BRCA1: variants seen among roughly 807,000 people sequenced by gnomAD.
BRCA1 encodes the protein BRCA1 DNA repair associated.
A neutral mutation model predicts 173.7 loss-of-function variants in BRCA1; 140 were observed. That is an observed-to-expected ratio of 0.81 (90% CI 0.70 to 0.93). The LOEUF (loss-of-function observed/expected upper bound fraction) is 0.93, where lower values mean the gene tolerates loss of function less well. Among genes scored for constraint, BRCA1 ranks in the 40% least tolerant of loss-of-function variants. BRCA1 has a pLI of 0.00. For missense variants in BRCA1, 1,983 were observed against 2,172.5 expected (o/e 0.91, Z 1.73); for synonymous variants, 662 against 756.0 (o/e 0.88, Z 2.04).
At chr17:43,057,472 C>T (rs1274482880) in intron 18 of BRCA1, among the ~76,000 whole-genome samples, 1 of 151,262 alleles carries the variant, frequency 6.6e-6, no homozygotes, top group East Asian at 2.0e-4. Flanking sequence ...GATGGTGCCA[C>T]TGCACTCCAG....
chr17:43,156,910 G>A (rs2056200928), intron 1 of BRCA1, among the ~76,000 whole-genome samples: 1 of 152,180 alleles, frequency 6.6e-6, no homozygotes, highest in African/African-American at 2.4e-5. Flanking sequence ...TCCCCTTCTA[G>A]GTCCTGATGA....
At chr17:43,127,911 C>T (rs1161922358), upstream of BRCA1, among the ~76,000 whole-genome samples, 1 of 151,242 alleles carries the variant, frequency 6.6e-6, no homozygotes, top group African/African-American at 2.4e-5. Flanking sequence ...GTAATCCCCT[C>T]TACTGGGGAG....
chr17:43,108,810 C>T (rs771810432), intron 3 of BRCA1, among the ~76,000 whole-genome samples: 6 of 149,792 alleles, frequency 4.0e-5, no homozygotes, highest in African/African-American at 9.8e-5. Flanking sequence ...CTGACCAACA[C>T]GGAGAAACCC....
At chr17:43,097,976 T>C (rs2054207279) in intron 7 of BRCA1, among the ~76,000 whole-genome samples, 1 of 151,866 alleles carries the variant, frequency 6.6e-6, no homozygotes, top group Admixed American at 6.6e-5. Context: ...TATAAATATA[T>C]TCTAAAAGAA....
intron 1 of BRCA1, chr17:43,168,179 C>T (rs796512497): frequency 8.0e-5 from 32 of 400,436 alleles, no homozygotes; most frequent in African/African-American, 6.5e-4. Context: ...CCAGATTGGA[C>T]ACTGTAAGAT....
In BRCA1 at chr17:43,112,947, G is replaced by T. The variant is rs909717469; in HGVS notation, c.134+2779C>A. ...GCCTCCCAAGTAACTGGGATTACAG[G>T]CATGCGCCTCCACGCCCGTCTAATT... On this transcript the variant is annotated intron_variant, in intron 3 of 22. Transcript: ENST00000357654. Among the ~76,000 whole-genome samples, 9 of 152,192 alleles carry T rather than the reference G, an allele frequency of 5.9e-5. No individual in the cohort carries two copies. The South Asian group carries it at 1.9e-3, about 32-fold the overall frequency.
At chr17:43,116,575 A>T (rs951614988) in intron 2 of BRCA1, among the ~76,000 whole-genome samples, 3 of 152,122 alleles carry the variant, frequency 2.0e-5, no homozygotes, top group Non-Finnish European at 2.9e-5. Context: ...CTGGCATGCA[A>T]TGGTGCGATC....
chr17:43,153,076 C>A (rs1347146966), intron 1 of BRCA1, among the ~76,000 whole-genome samples: 1 of 151,862 alleles, frequency 6.6e-6, no homozygotes, highest in Non-Finnish European at 1.5e-5. Context: ...ATGGAGAACT[C>A]CACTGGTTAA....
At chr17:43,135,414 A>G (rs889380501) in intron 1 of BRCA1, among the ~76,000 whole-genome samples, 7 of 152,188 alleles carry the variant, frequency 4.6e-5, no homozygotes, top group Non-Finnish European at 1.0e-4. Context: ...CAATGCATGC[A>G]CCCGCTCCTT....
At chr17:43,155,538 T>C (rs1311637989) in intron 1 of BRCA1, among the ~76,000 whole-genome samples, 72 of 152,080 alleles carry the variant, frequency 4.7e-4, no homozygotes, top group Non-Finnish European at 7.4e-5. Context: ...GTGAAACTTT[T>C]TTTGGGGGGA....
At chr17:43,114,390 C>CTT (rs35851659) in intron 3 of BRCA1, among the ~76,000 whole-genome samples, 7,674 of 138,850 alleles carry the variant, frequency 0.055, 648 homozygotes, top group African/African-American at 0.18. Flanking sequence ...AATACTGGGA[C>CTT]TTTTTTTTTT....
chr17:43,117,780 A>C (rs1427726925), intron 2 of BRCA1, among the ~76,000 whole-genome samples: 2 of 152,008 alleles, frequency 1.3e-5, no homozygotes, highest in Non-Finnish European at 2.9e-5. Context: ...CAGAAAATAC[A>C]TCACCCAAGT....
chr17:43,114,795 A>G (rs1202646521), intron 3 of BRCA1, among the ~76,000 whole-genome samples: 1 of 152,194 alleles, frequency 6.6e-6, no homozygotes, highest in Non-Finnish European at 1.5e-5. Flanking sequence ...ATTAGTTGAC[A>G]TTTAAGGTAA....
intron 2 of BRCA1, among the ~76,000 whole-genome samples, chr17:43,123,224 A>G (rs1327774859): frequency 2.6e-5 from 4 of 151,590 alleles, no homozygotes; most frequent in Non-Finnish European, 4.4e-5. Context: ...GAGATCCTAT[A>G]TAAAAAAAAA....
chr17:43,120,240 A>G (rs1327795989), intron 2 of BRCA1, among the ~76,000 whole-genome samples: 2 of 152,232 alleles, frequency 1.3e-5, no homozygotes, highest in Admixed American at 6.5e-5. Context: ...ATAGCTGCCA[A>G]TATTGACTTA....
At position 43,168,835 on chromosome 17, in the gene BRCA1, G is replaced by A. The variant is rs186268022; in HGVS notation, c.-20+1291C>T. Among the ~76,000 whole-genome samples the A allele has an allele frequency of 6.6e-5, 10 of 152,214 alleles. No homozygotes were observed. The East Asian group carries it at 1.9e-3, about 29-fold the overall frequency. On this transcript the variant is annotated intron_variant, in intron 1 of 7. Transcript: ENST00000634433. ...GAAAGCTACAGGGGAGTGACTGACC[G>A]GGTAAGTGGTGAGCTTTCTCCAATG...
chr17:43,064,543 G>T (rs1178812746), intron 16 of BRCA1, among the ~76,000 whole-genome samples: 1 of 152,110 alleles, frequency 6.6e-6, no homozygotes, highest in Non-Finnish European at 1.5e-5. Context: ...TGTTTCAAAG[G>T]CCCTTCTGAA....
Position 43,095,912 on chromosome 17 carries a change from G to T in BRCA1, c.604C>A (p.Gln202Lys), listed in dbSNP as rs2054117377. ...NKATYCSVGDQELLQITPQGT... is the reference protein window; with the variant it reads ...NKATYCSVGDKELLQITPQGT... ...TGAGGGGTGATTTGTAACAATTCTT[G>T]ATCTCCCACACTATAGGGAAAAGAC... The change falls in exon 9 of 23, where the codon CAA becomes AAA. Residue 202 changes from glutamine (Q) to lysine (K), a missense_variant. Coordinates refer to ENST00000357654, the MANE Select transcript of BRCA1 (RefSeq NM_007294.4). 3 of 1,612,496 alleles carry T rather than the reference G, an allele frequency of 1.9e-6. No homozygotes were observed. Among genetic ancestry groups the T allele is most frequent in the Non-Finnish European group, 1.7e-6 (2 of 1,178,854 alleles).
At position 43,091,783 on chromosome 17, in the gene BRCA1, C is replaced by T. The variant is rs28897686; in HGVS notation, c.3748G>A (p.Glu1250Lys). The change falls in exon 10 of 23, where the codon GAG becomes AAG. Residue 1250 changes from glutamate (E) to lysine (K), a missense_variant. Glu to Lys is a moderately conservative substitution (Grantham distance 56, BLOSUM62 1). Coordinates refer to ENST00000357654, the MANE Select transcript of BRCA1 (RefSeq NM_007294.4). ...QSTRHSTVAT[E>K]CLSKNTEENL... ...TCCTCTGTGTTCTTAGACAGACACTCGGTAGCAACGGTGCTATGCCTAGTA... is the reference window on the plus strand; with the variant it reads ...TCCTCTGTGTTCTTAGACAGACACTTGGTAGCAACGGTGCTATGCCTAGTA... 494 of 1,614,032 alleles carry T rather than the reference C, an allele frequency of 3.1e-4. No individual in the cohort carries two copies. Among genetic ancestry groups the T allele is most frequent in the Non-Finnish European group, 3.9e-4 (466 of 1,180,006 alleles).
Sources: allele counts gnomAD v4.1 joint callset (sites outside exome capture counted in the v4.1 genomes callset), GRCh38; gene constraint gnomAD v4.1.1; transcripts MANE v1.5; gene names NCBI Gene and HGNC (gene_info 2026-07-23, HGNC 2026-07-21).